The following TUB variants were observed in gnomAD, a reference collection of about 807,000 sequenced individuals.
TUB encodes tubby protein homolog.
Under a neutral mutation model 59.7 loss-of-function variants are expected in TUB, and 33 were observed. The observed-to-expected ratio is 0.55, with a 90% confidence interval of 0.42 to 0.74. The LOEUF (loss-of-function observed/expected upper bound fraction) is 0.74, where lower values mean the gene tolerates loss of function less well. Among genes scored for constraint, TUB ranks in the 30% least tolerant of loss-of-function variants. The pLI, the probability that TUB is intolerant of heterozygous loss-of-function variation, is 0.00. For synonymous variants in TUB, 293 were observed against 256.4 expected (o/e 1.14, Z -1.36); for missense variants, 659 against 672.0 (o/e 0.98, Z 0.21).
At chr11:8,090,332 C>T in intron 3 of TUB, 101 bp downstream of exon 3, 1 of 1,468,810 alleles carries the variant, frequency 6.8e-7, no homozygotes, top group Non-Finnish European at 9.2e-7. Context: ...GGGGGATGCC[C>T]AGGCTGTGTA....
chr11:8,047,130 C>T (rs185199081), intron 2 of TUB, among the ~76,000 whole-genome samples: 29 of 152,256 alleles, frequency 1.9e-4, no homozygotes, highest in East Asian at 1.5e-3. Context: ...ATCGTCTCCT[C>T]TCCTGCCTCT....
At chr11:8,089,944 C>G in intron 2 of TUB, 125 bp from the exon 3 acceptor site, 1 of 1,370,668 alleles carries the variant, frequency 7.3e-7, no homozygotes. Flanking sequence ...CTTTCCTGGA[C>G]CCCAAGTGTT....
In TUB at chr11:8,074,098, T is replaced by G. The variant is rs555088595; in HGVS notation, c.204-15512T>G. Among the ~76,000 whole-genome samples the G allele has an allele frequency of 7.8e-3, 454 of 58,334 alleles. 3 individuals carry two copies. Among genetic ancestry groups the G allele is most frequent in the African/African-American group, 0.014 (383 of 27,404 alleles). The allele number at this position is 58,334 out of a possible 152,430, so 38.3% of individuals were successfully genotyped here. A position where few individuals can be genotyped will look rare whatever the true frequency, so the allele number is the denominator to read the frequency against. On this transcript the variant is annotated intron_variant, in intron 2 of 12. Transcript: ENST00000305253. ...TACTATATATATGGGTTTTTGTGGT[T>G]TTTTTTTTTACCAAATCTATTTTGT...
At chr11:8,054,028 T>C (rs1188698686) in intron 2 of TUB, among the ~76,000 whole-genome samples, 1 of 151,576 alleles carries the variant, frequency 6.6e-6, no homozygotes, top group East Asian at 2.0e-4. Context: ...GGCAGGAGAA[T>C]GGTGTGAACC....
At chr11:8,089,808 C>A in intron 2 of TUB, 147 bp downstream of exon 2, 2 of 1,195,032 alleles carry the variant, frequency 1.7e-6, no homozygotes, top group Non-Finnish European at 1.2e-6. Flanking sequence ...GCACTCTCTC[C>A]CAGCTCAGCA....
At position 8,104,935 on chromosome 11, in the gene TUB, T is replaced by G. The variant is rs1944480558; in HGVS notation, c.*3316T>G. On this transcript the variant is annotated 3_prime_UTR_variant, in exon 12 of 12. Coordinates refer to ENST00000299506, the MANE Select transcript of TUB (RefSeq NM_177972.3). Reference sequence around the variant, plus strand: ...AATTCTAGAAGCAGAAGGTTGTTTTTTTTTTTTTTTCTCCATTCTGAAAAT... The same window carrying G: ...AATTCTAGAAGCAGAAGGTTGTTTTGTTTTTTTTTTCTCCATTCTGAAAAT... 1 of 151,708 alleles carries G rather than the reference T, an allele frequency of 6.6e-6. No individual in the cohort carries two copies. The highest frequency in any genetic ancestry group is 1.5e-5 in the Non-Finnish European group (1 of 67,924). 9.4% of individuals were successfully genotyped at this position (151,708 alleles called of 1,614,324 possible).
intron 2 of TUB, among the ~76,000 whole-genome samples, chr11:8,074,732 C>T (rs1943418454): frequency 7.1e-6 from 1 of 140,908 alleles, no homozygotes; most frequent in Admixed American, 7.6e-5. Context: ...AGAGTGAGAC[C>T]TCGTGTCTTT....
intron 1 of TUB, among the ~76,000 whole-genome samples, chr11:8,088,464 A>G (rs1181970202): frequency 1.3e-5 from 2 of 152,192 alleles, no homozygotes; most frequent in Non-Finnish European, 2.9e-5. Context: ...ACACGAGCAC[A>G]CCCACTTCTT....
intron 2 of TUB, among the ~76,000 whole-genome samples, chr11:8,061,863 T>C (rs1943135669): frequency 6.6e-6 from 1 of 152,034 alleles, no homozygotes; most frequent in South Asian, 2.1e-4. Context: ...CCAGTAGAAG[T>C]GACCCCCTCC....
chr11:8,063,698 G>T (rs1943177650), intron 2 of TUB, among the ~76,000 whole-genome samples: 1 of 152,064 alleles, frequency 6.6e-6, no homozygotes, highest in African/African-American at 2.4e-5. Flanking sequence ...GTATTTTACT[G>T]GGAGGCATTC....
chr11:8,052,400 C>T (rs1384555671), intron 2 of TUB, among the ~76,000 whole-genome samples: 3 of 150,392 alleles, frequency 2.0e-5, no homozygotes, highest in African/African-American at 4.9e-5. Context: ...TCATGTATGT[C>T]GAAGGCATTT....
intron 1 of TUB, among the ~76,000 whole-genome samples, chr11:8,022,517 G>A (rs928762540): frequency 5.9e-5 from 9 of 152,248 alleles, no homozygotes; most frequent in East Asian, 3.9e-4. Flanking sequence ...GCTGTTGTCC[G>A]CCTTGCTTCT....
intron 2 of TUB, among the ~76,000 whole-genome samples, chr11:8,066,427 A>G (rs1943243605): frequency 6.6e-6 from 1 of 152,176 alleles, no homozygotes; most frequent in Admixed American, 6.6e-5. Flanking sequence ...GCCCCTGTAC[A>G]GCTCCACAGC....
intron 9 of TUB, 55 bp downstream of exon 9, chr11:8,098,930 C>T (rs1589988294): frequency 7.7e-7 from 1 of 1,293,664 alleles, no homozygotes; most frequent in Non-Finnish European, 1.1e-6. Context: ...AAATCCAGGA[C>T]TTGATGCCTG....
rs1476660554 is a variant in TUB at position 8,075,517 on chromosome 11, T to C, written c.204-14093T>C. 2.6e-5 allele frequency: 4 copies of C among 152,264 alleles called. No homozygotes were observed. The East Asian group carries it at 7.7e-4, about 29-fold the overall frequency. The allele number at this position is 152,264 out of a possible 1,614,324, so 9.4% of individuals were successfully genotyped here. On this transcript the variant is annotated intron_variant, in intron 2 of 12. Coordinates refer to the TUB transcript ENST00000305253. Reference sequence around the variant, plus strand: ...AGTGATGTGTAATTGTTAAGTTGAATAGGCATAGGCATGACTCATGAGATG... The same window carrying C: ...AGTGATGTGTAATTGTTAAGTTGAACAGGCATAGGCATGACTCATGAGATG...
intron 2 of TUB, chr11:8,069,373 T>C (rs1943312873): frequency 7.0e-6 from 1 of 142,096 alleles, no homozygotes; most frequent in Non-Finnish European, 1.5e-5. Context: ...CTCTCATTTT[T>C]AAATTTAGTA....
chr11:8,095,784 G>A (rs1231868912), intron 5 of TUB, 119 bp downstream of exon 5: 1 of 1,130,386 alleles, frequency 8.8e-7, no homozygotes, highest in East Asian at 2.6e-5. Flanking sequence ...TGGTGGGTGA[G>A]GGTGGGGCAC....
intron 2 of TUB, among the ~76,000 whole-genome samples, chr11:8,041,154 G>A (rs1166997008): frequency 6.6e-6 from 1 of 152,224 alleles, no homozygotes; most frequent in Admixed American, 6.5e-5. Context: ...GCTGATGGCT[G>A]CCTGGCAGGG....
At chr11:8,035,045 T>C (rs920699359), upstream of TUB, among the ~76,000 whole-genome samples, 6 of 152,228 alleles carry the variant, frequency 3.9e-5, no homozygotes, top group Non-Finnish European at 8.8e-5. Context: ...TGCTCCTGAC[T>C]CAGTCTGTCC....
Sources: allele counts gnomAD v4.1 joint callset (sites outside exome capture counted in the v4.1 genomes callset), GRCh38; gene constraint gnomAD v4.1.1; transcripts MANE v1.5; gene names NCBI Gene and HGNC (gene_info 2026-07-23, HGNC 2026-07-21).